The following DCC variants were observed in gnomAD, a reference collection of about 807,000 sequenced individuals.
The protein encoded by DCC is DCC netrin 1 receptor.
A neutral mutation model predicts 172.5 loss-of-function variants in DCC; 58 were observed. That is an observed-to-expected ratio of 0.34 (90% confidence interval 0.27 to 0.42). The LOEUF is 0.42. Ranked by LOEUF, DCC falls within the 10% of genes least tolerant of loss-of-function variation. The probability of loss-of-function intolerance (pLI) is 1.00; values close to 1 mark genes in which losing one functional copy is unlikely to be tolerated. For missense variants in DCC, 1,740 were observed against 1,791.0 expected (o/e 0.97, Z 0.51); for synonymous variants, 709 against 644.5 (o/e 1.10, Z -1.52).
intron 2 of DCC, among the ~76,000 whole-genome samples, chr18:52,866,751 G>A (rs548597109): frequency 2.0e-5 from 3 of 152,210 alleles, no homozygotes; most frequent in Non-Finnish European, 4.4e-5. Flanking sequence ...AGACTTTGCT[G>A]AAGTTGCTTA....
At chr18:52,921,626 G>T (rs1289354979) in intron 3 of DCC, among the ~76,000 whole-genome samples, 1 of 151,784 alleles carries the variant, frequency 6.6e-6, no homozygotes, top group Non-Finnish European at 1.5e-5. Flanking sequence ...TTGAACCCAG[G>T]AGGTGGAGGT....
In DCC at chr18:52,690,184, C is replaced by T. The variant is rs1280638403; in HGVS notation, c.92-61870C>T. ...CCTTCATAGACTGTGAGCTAACACA[C>T]GTTTGCCGCTTTAAGTCAGTCAACA... On this transcript the variant is annotated intron_variant, in intron 1 of 28. Transcript: ENST00000442544. 4.6e-5 allele frequency among the ~76,000 whole-genome samples: 7 copies of T among 152,116 alleles called. No homozygotes were observed. In the South Asian group the frequency reaches 6.2e-4, roughly 14 times the overall value.
intron 1 of DCC, among the ~76,000 whole-genome samples, chr18:52,722,389 T>C (rs9966514): frequency 0.77 from 117,517 of 151,940 alleles, 45,717 homozygotes; most frequent in East Asian, 0.88. Context: ...ACCCTCAATA[T>C]TCCTTCTCAT....
At chr18:52,629,131 T>C (rs1442863032) in intron 1 of DCC, among the ~76,000 whole-genome samples, 1 of 152,230 alleles carries the variant, frequency 6.6e-6, no homozygotes, top group African/African-American at 2.4e-5. Flanking sequence ...AAATTTGAAT[T>C]AATCAGGCTT....
chr18:52,853,671 G>A (rs2039010329), intron 2 of DCC, among the ~76,000 whole-genome samples: 1 of 152,168 alleles, frequency 6.6e-6, no homozygotes, highest in South Asian at 2.1e-4. Flanking sequence ...TAAGTGGCAG[G>A]ACTCTGAGGT....
chr18:52,440,121 C>T (rs1174734958), intron 1 of DCC, among the ~76,000 whole-genome samples: 1 of 152,128 alleles, frequency 6.6e-6, no homozygotes, highest in African/African-American at 2.4e-5. Context: ...TGTGCTGTTT[C>T]CAGCCCTGCT....
intron 2 of DCC, among the ~76,000 whole-genome samples, chr18:52,776,750 C>A (rs903858990): frequency 6.6e-6 from 1 of 152,136 alleles, no homozygotes; most frequent in African/African-American, 2.4e-5. Flanking sequence ...CCTGTGACTC[C>A]TCAACAAACT....
chr18:52,437,250 C>A (rs1268185059), intron 1 of DCC, among the ~76,000 whole-genome samples: 1 of 152,110 alleles, frequency 6.6e-6, no homozygotes, highest in Non-Finnish European at 1.5e-5. Flanking sequence ...TCCAGCTGAG[C>A]AGAGGCATGA....
At chr18:53,442,380 T>A (rs1912329266) in intron 22 of DCC, among the ~76,000 whole-genome samples, 4 of 152,212 alleles carry the variant, frequency 2.6e-5, no homozygotes, top group African/African-American at 7.2e-5. Context: ...TGGTCTGTGA[T>A]CAGTGATCTT....
At chr18:53,059,899 T>C (rs575422315) in intron 5 of DCC, among the ~76,000 whole-genome samples, 16 of 152,230 alleles carry the variant, frequency 1.1e-4, no homozygotes, top group African/African-American at 3.8e-4. Flanking sequence ...GTACTAGGCA[T>C]TGAGATATGG....
At chr18:53,005,884 C>T (rs2041637247) in intron 5 of DCC, among the ~76,000 whole-genome samples, 1 of 152,072 alleles carries the variant, frequency 6.6e-6, no homozygotes, top group African/African-American at 2.4e-5. Context: ...CTGGTCTTCC[C>T]TCATTAACAA....
In DCC at chr18:53,066,062, G is replaced by A. The variant is rs140711456; in HGVS notation, c.1157G>A (p.Arg386Gln). Reference sequence around the variant, plus strand: ...TTTCCCTAGGGAGGAAGCAACTTACGGATACTTGGGGTGGTGAAGTCAGAT... The same window carrying A: ...TTTCCCTAGGGAGGAAGCAACTTACAGATACTTGGGGTGGTGAAGTCAGAT... ...YFQIVGGSNL[R>Q]ILGVVKSDEG... The change falls in exon 7 of 29, where the codon CGG (arginine) becomes CAG (glutamine). Residue 386 changes from arginine (R) to glutamine (Q), a missense_variant. Around this residue, in one of 2 missense-constraint regions of DCC, gnomAD observed 1,732 missense variants for 1,767.4 expected, o/e 0.98. Transcript: ENST00000442544. 1.9e-4 allele frequency: 312 copies of A among 1,613,026 alleles called. 2 individuals are homozygous for A. In the Middle Eastern group the frequency reaches 3.5e-3, roughly 18 times the overall value.
At chr18:53,422,353 T>C (rs1218633037) in intron 21 of DCC, among the ~76,000 whole-genome samples, 2 of 152,210 alleles carry the variant, frequency 1.3e-5, no homozygotes, top group Admixed American at 6.5e-5. Flanking sequence ...GCAATTCATA[T>C]TCTCAAATAC....
At chr18:52,559,722 G>C (rs189641627) in intron 1 of DCC, among the ~76,000 whole-genome samples, 2 of 151,626 alleles carry the variant, frequency 1.3e-5, no homozygotes, top group Non-Finnish European at 2.9e-5. Context: ...AAAAAAAAGG[G>C]CCCCAAATTT....
chr18:53,020,702 T>G (rs1234987943), intron 5 of DCC, among the ~76,000 whole-genome samples: 1 of 152,198 alleles, frequency 6.6e-6, no homozygotes, highest in Non-Finnish European at 1.5e-5. Flanking sequence ...TTAAAATACC[T>G]CTCAGGTCAA....
chr18:52,578,807 G>A (rs2033477321), intron 1 of DCC, among the ~76,000 whole-genome samples: 2 of 152,078 alleles, frequency 1.3e-5, no homozygotes, highest in African/African-American at 4.8e-5. Flanking sequence ...GACCATCCTG[G>A]CCAACATGGT....
At chr18:52,892,073 A>C (rs2060119) in intron 2 of DCC, among the ~76,000 whole-genome samples, 60,125 of 151,910 alleles carry the variant, frequency 0.4, 12,476 homozygotes, top group Non-Finnish European at 0.47. Context: ...CCCCAGGTTA[A>C]TCTTTTGCCA....
At chr18:53,228,853 T>G (rs2056079668) in intron 12 of DCC, among the ~76,000 whole-genome samples, 1 of 152,280 alleles carries the variant, frequency 6.6e-6, no homozygotes, top group South Asian at 2.1e-4. Context: ...TAACACACAC[T>G]CTTCTAGTGC....
rs1365515503 is a variant in DCC, at chr18:52,868,077, GTATATA to G, written c.413-37965_413-37960del. 6.6e-5 allele frequency among the ~76,000 whole-genome samples: 8 copies of G among 120,444 alleles called. 1 individual carries two copies. The South Asian group carries it at 1.6e-3, about 24-fold the overall frequency. The allele number at this position is 120,444 out of a possible 152,430, so 79.0% of individuals were successfully genotyped here. ...TATGTGTGTGTGTGTGTGTGTGTGTGTATATATGTGTGTATATATATATGTGTATAT... is the reference window on the plus strand; with the variant it reads ...TATGTGTGTGTGTGTGTGTGTGTGTGTGTGTGTATATATATATGTGTATAT... On this transcript the variant is annotated intron_variant, in intron 2 of 28. Transcript: ENST00000442544.
Sources: gnomAD v4.1 joint callset for allele counts (sites outside exome capture counted in the v4.1 genomes callset) on GRCh38, gnomAD v4.1.1 for gene constraint, gnomAD v4.1.1 regional missense constraint, MANE v1.5 for transcripts, NCBI Gene and HGNC (gene_info 2026-07-23, HGNC 2026-07-21) for gene names.